Variants in CRTC3 observed in about 807,000 individuals in gnomAD.
The protein encoded by CRTC3 is CREB-regulated transcription coactivator 3.
CRTC3 carries 26 observed loss-of-function variants against 74.5 expected under a neutral mutation model. The ratio of observed to expected loss-of-function variants is 0.35; its 90% CI spans 0.26 to 0.48. The LOEUF is 0.48. Among genes scored for constraint, CRTC3 ranks in the 20% least tolerant of loss-of-function variants. CRTC3 has a pLI of 0.99. For synonymous variants in CRTC3, 377 were observed against 325.8 expected (o/e 1.16, Z -1.69); for missense variants, 760 against 787.3 (o/e 0.97, Z 0.41).
At chr15:90,595,998 G>C (rs1362269160) in intron 3 of CRTC3, 1 of 152,354 alleles carries the variant, frequency 6.6e-6, no homozygotes, top group Non-Finnish European at 1.5e-5. Context: ...GCACGTCGGA[G>C]GTGCAGCTTG....
Position 90,590,145 on chromosome 15 carries a change from T to C in CRTC3, c.232-3491T>C, listed in dbSNP as rs551472314. Among the ~76,000 whole-genome samples the C allele has an allele frequency of 2.0e-5, 3 of 151,314 alleles. No individual in the cohort carries two copies. In the South Asian group the frequency reaches 6.3e-4, roughly 32 times the overall value. ...ATCTCTACTAAAAATACAAAAAAAT[T>C]AGCCGGGAGTGGTGGCATGTTCCTG... On this transcript the variant is annotated intron_variant, in intron 2 of 14. Transcript: ENST00000268184.
At chr15:90,545,615 C>T (rs563899588) in intron 2 of CRTC3, among the ~76,000 whole-genome samples, 25 of 151,516 alleles carry the variant, frequency 1.6e-4, no homozygotes, top group Admixed American at 5.3e-4. Context: ...CTCACTCTTT[C>T]GCCCAGGCTG....
intron 3 of CRTC3, among the ~76,000 whole-genome samples, chr15:90,601,546 G>A (rs1036738087): frequency 6.6e-6 from 1 of 152,028 alleles, no homozygotes; most frequent in Admixed American, 6.6e-5. Context: ...CCAGCTACTC[G>A]GGAGGCTGAG....
intron 11 of CRTC3, among the ~76,000 whole-genome samples, chr15:90,634,144 C>T (rs1405271862): frequency 1.3e-5 from 2 of 150,810 alleles, no homozygotes; most frequent in Non-Finnish European, 2.9e-5. Context: ...CAGGGTCTTG[C>T]TCTGTTGCCC....
intron 2 of CRTC3, among the ~76,000 whole-genome samples, chr15:90,549,938 A>G (rs1966851640): frequency 6.7e-6 from 1 of 150,226 alleles, no homozygotes; most frequent in Non-Finnish European, 1.5e-5. Flanking sequence ...TCCTGACCTC[A>G]GGTGATTTGC....
chr15:90,543,466 A>G (rs1195608622), intron 2 of CRTC3, among the ~76,000 whole-genome samples: 1 of 152,102 alleles, frequency 6.6e-6, no homozygotes, highest in Admixed American at 6.5e-5. Flanking sequence ...ATATGGTTTT[A>G]TGATTTTCTA....
At chr15:90,629,762 T>TA (rs1968971907) in intron 11 of CRTC3, among the ~76,000 whole-genome samples, 1 of 152,200 alleles carries the variant, frequency 6.6e-6, no homozygotes, top group South Asian at 2.1e-4. Context: ...CTCACTCTGT[T>TA]GCCCAGGCTG....
intron 8 of CRTC3, among the ~76,000 whole-genome samples, chr15:90,619,508 T>A (rs929650523): frequency 1.3e-5 from 2 of 152,176 alleles, no homozygotes; most frequent in Admixed American, 6.5e-5. Context: ...AGAAGGTAAA[T>A]TGATAAGGCA....
At chr15:90,616,214 G>A (rs151078620) in intron 7 of CRTC3, among the ~76,000 whole-genome samples, 1 of 152,230 alleles carries the variant, frequency 6.6e-6, no homozygotes, top group East Asian at 1.9e-4. Context: ...AGACACCTGG[G>A]AACACTGACA....
At chr15:90,578,617 A>G (rs1469470368) in intron 2 of CRTC3, among the ~76,000 whole-genome samples, 1 of 151,944 alleles carries the variant, frequency 6.6e-6, no homozygotes, top group African/African-American at 2.4e-5. Context: ...TTATACACAT[A>G]TGTTTAATAA....
At chr15:90,606,345 C>T (rs915213279) in intron 5 of CRTC3, among the ~76,000 whole-genome samples, 4 of 149,416 alleles carry the variant, frequency 2.7e-5, no homozygotes, top group Admixed American at 1.3e-4. Context: ...GTGGATCACC[C>T]GAGGTCGGGA....
chr15:90,635,678 C>G (rs1969207529), intron 11 of CRTC3, among the ~76,000 whole-genome samples: 1 of 152,068 alleles, frequency 6.6e-6, no homozygotes, highest in African/African-American at 2.4e-5. Flanking sequence ...AAAAGATTTT[C>G]TCTCTTCAGG....
chr15:90,607,521 A>T (rs1341420839), intron 6 of CRTC3, 43 bp downstream of exon 6: 4 of 1,255,782 alleles, frequency 3.2e-6, no homozygotes, highest in Admixed American at 1.8e-5. Context: ...GTGCTTGCTC[A>T]TTCTGTCCTA....
intron 2 of CRTC3, among the ~76,000 whole-genome samples, chr15:90,541,866 A>G (rs1966808849): frequency 6.7e-6 from 1 of 148,204 alleles, no homozygotes; most frequent in African/African-American, 2.5e-5. Flanking sequence ...GCTCACTGCA[A>G]CCTCCATCAC....
intron 2 of CRTC3, among the ~76,000 whole-genome samples, chr15:90,547,676 T>G (rs1966846680): frequency 6.6e-6 from 1 of 152,102 alleles, no homozygotes; most frequent in African/African-American, 2.4e-5. Flanking sequence ...ACACATACAC[T>G]GAGGGCAGAG....
At chr15:90,614,109 G>A (rs1315357072) in intron 6 of CRTC3, 2 of 217,154 alleles carry the variant, frequency 9.2e-6, no homozygotes, top group Non-Finnish European at 1.8e-5. Flanking sequence ...CCATGATGAA[G>A]CATTTGGAAG....
At chr15:90,584,173 C>G (rs1227595902) in intron 2 of CRTC3, among the ~76,000 whole-genome samples, 2 of 151,780 alleles carry the variant, frequency 1.3e-5, no homozygotes, top group African/African-American at 4.8e-5. Context: ...AAATAAAGAG[C>G]CCTGCAAGCT....
chr15:90,565,638 T>C (rs1245523934), intron 2 of CRTC3, among the ~76,000 whole-genome samples: 1 of 152,264 alleles, frequency 6.6e-6, no homozygotes, highest in Non-Finnish European at 1.5e-5. Flanking sequence ...ACTTCATGTC[T>C]CTGTTGCATT....
At chr15:90,563,420 TAAATA>T (rs1438261389) in intron 2 of CRTC3, among the ~76,000 whole-genome samples, 28 of 151,758 alleles carry the variant, frequency 1.8e-4, no homozygotes, top group African/African-American at 5.8e-4. Context: ...AATAAATAAA[TAAATA>T]AAATAAAAAT....
Sources: allele counts gnomAD v4.1 joint callset (sites outside exome capture counted in the v4.1 genomes callset), GRCh38; gene constraint gnomAD v4.1.1; transcripts MANE v1.5; gene names NCBI Gene and HGNC (gene_info 2026-07-23, HGNC 2026-07-21).